The following FNBP4 variants were observed in gnomAD, a reference collection of about 807,000 sequenced individuals.
The protein encoded by FNBP4 is formin binding protein 4.
FNBP4 carries 34 observed loss-of-function variants against 119.3 expected under a neutral mutation model. The ratio of observed to expected loss-of-function variants is 0.28; its 90% confidence interval spans 0.22 to 0.38. FNBP4 has a LOEUF of 0.38. Among genes scored for constraint, FNBP4 ranks in the 10% least tolerant of loss-of-function variants. The pLI, the probability that FNBP4 is intolerant of heterozygous loss-of-function variation, is 1.00. For missense variants in FNBP4, 1,112 were observed against 1,228.9 expected (o/e 0.90, Z 1.42); for synonymous variants, 462 against 430.6 (o/e 1.07, Z -0.90).
At chr11:47,746,432 G>T in intron 6 of FNBP4, 38 bp from the exon 7 acceptor site, 2 of 1,488,012 alleles carry the variant, frequency 1.3e-6, no homozygotes, top group South Asian at 1.3e-5. Context: ...ATTTAATTCT[G>T]AAACAAATCT....
At chr11:47,747,318 C>A (rs2097592501) in intron 6 of FNBP4, among the ~76,000 whole-genome samples, 1 of 152,206 alleles carries the variant, frequency 6.6e-6, no homozygotes, top group Admixed American at 6.5e-5. Context: ...AATTTCCCTG[C>A]CTCAGCCTCC....
chr11:47,743,656 C>G (rs894537490), intron 8 of FNBP4, among the ~76,000 whole-genome samples: 2 of 152,112 alleles, frequency 1.3e-5, no homozygotes, highest in South Asian at 4.1e-4. Context: ...CCTCATGACA[C>G]AATCAAACTC....
intron 4 of FNBP4, 69 bp downstream of exon 4, chr11:47,752,847 A>G: frequency 2.2e-6 from 3 of 1,374,966 alleles, no homozygotes; most frequent in South Asian, 2.7e-5. Context: ...ACAAAAAACC[A>G]GAAAAGTGAA....
At chr11:47,728,962 C>T (rs190720470) in intron 12 of FNBP4, among the ~76,000 whole-genome samples, 58 of 149,744 alleles carry the variant, frequency 3.9e-4, no homozygotes, top group African/African-American at 1.3e-3. Context: ...AAGTGATTCT[C>T]GTGCCTCAGC....
chr11:47,720,757 C>G (rs1456335236), intron 15 of FNBP4, among the ~76,000 whole-genome samples: 1 of 143,000 alleles, frequency 7.0e-6, no homozygotes, highest in South Asian at 2.2e-4. Flanking sequence ...GTGTTCCTCC[C>G]AAGTGATTTA....
Position 47,736,231 on chromosome 11 carries a change from A to T in FNBP4, c.1581+385T>A, listed in dbSNP as rs1430627027. The stretch of plus-strand genomic sequence containing the variant: ...ACTCCAGCCTGGATGGCAGAGCAAC[A>T]CTCTCTCTTGGGAAAAAAAAAGAAA... On this transcript the variant is annotated intron_variant, in intron 9 of 16. Coordinates refer to ENST00000263773, the MANE Select transcript of FNBP4 (RefSeq NM_015308.5). Among the ~76,000 whole-genome samples the T allele has an allele frequency of 5.8e-5, 8 of 137,420 alleles. No homozygotes were observed. The South Asian group carries it at 1.2e-3, about 21-fold the overall frequency. The allele number at this position is 137,420 out of a possible 152,430, so 90.2% of individuals were successfully genotyped here.
At chr11:47,760,258 CATTT>C (rs749155934) in intron 2 of FNBP4, among the ~76,000 whole-genome samples, 5 of 133,842 alleles carry the variant, frequency 3.7e-5, no homozygotes, top group African/African-American at 1.3e-4. Context: ...ATTGATCAAA[CATTT>C]TTTTTTTTTT....
intron 2 of FNBP4, among the ~76,000 whole-genome samples, chr11:47,755,525 C>T: frequency 6.6e-6 from 1 of 151,524 alleles, no homozygotes; most frequent in East Asian, 1.9e-4. Context: ...CTTATGTCTA[C>T]AGACCCAACT....
chr11:47,765,424 G>A (rs1195395643), intron 1 of FNBP4, 62 bp from the exon 2 acceptor site: 1 of 938,196 alleles, frequency 1.1e-6, no homozygotes, highest in South Asian at 1.6e-5. Flanking sequence ...GAAAACTGCA[G>A]TCAGATTCCA....
chr11:47,728,848 CTTTTTTTTT>C (rs35490791), intron 12 of FNBP4, among the ~76,000 whole-genome samples: 1 of 113,586 alleles, frequency 8.8e-6, no homozygotes, highest in African/African-American at 3.3e-5. Flanking sequence ...CTGTAGGCGT[CTTTTTTTTT>C]TTTTTTTTTT....
chr11:47,751,417 T>C, intron 4 of FNBP4, 127 bp from the exon 5 acceptor site: 2 of 1,061,294 alleles, frequency 1.9e-6, no homozygotes. Context: ...CACAGGTCTT[T>C]GTTGTGGAGG....
At chr11:47,733,939 G>T (rs952708086) in intron 10 of FNBP4, 86 bp downstream of exon 10, 10 of 591,396 alleles carry the variant, frequency 1.7e-5, no homozygotes, top group Non-Finnish European at 2.7e-5. Context: ...GGCTTAAAAT[G>T]TAAGCAAGAC....
Position 47,751,055 on chromosome 11 carries a change from A to G in FNBP4, c.786-19T>C. The G allele has an allele frequency of 6.2e-7, 1 of 1,612,642 alleles. No individual in the cohort carries two copies. The highest frequency in any genetic ancestry group is 8.5e-7 in the Non-Finnish European group (1 of 1,179,532). The stretch of plus-strand genomic sequence containing the variant: ...CACAGAACTAAAAAAATATATACTT[A>G]GCAAGAGAAATATAAGACAAATACT... On this transcript the variant is annotated intron_variant, in intron 5 of 16. Transcript: ENST00000263773.
intron 12 of FNBP4, chr11:47,729,487 C>T (rs975837545): frequency 2.0e-6 from 2 of 985,218 alleles, no homozygotes; most frequent in African/African-American, 3.5e-5. Flanking sequence ...CTTGGCTTCT[C>T]ACAGTGTAAT....
intron 10 of FNBP4, among the ~76,000 whole-genome samples, chr11:47,733,337 CTT>C (rs950005832): frequency 1.4e-5 from 2 of 144,564 alleles, no homozygotes. Flanking sequence ...GGATTCAGTT[CTT>C]TTTTTTTTTT....
chr11:47,738,245 TCA>T (rs1263544466), intron 8 of FNBP4, among the ~76,000 whole-genome samples: 4 of 152,146 alleles, frequency 2.6e-5, no homozygotes, highest in African/African-American at 4.8e-5. Flanking sequence ...TCAAACTAAT[TCA>T]CACAGTCTGA....
chr11:47,767,259 G>A lies in FNBP4; in HGVS notation c.30C>T (p.Gly10=). 6.4e-7 allele frequency: 1 copy of A among 1,554,420 alleles called. No individual in the cohort carries two copies. The highest frequency in any genetic ancestry group is 1.9e-5 in the Admixed American group (1 of 51,978). The change falls in exon 1 of 17, where the codon GGC becomes GGT. Residue 10 remains glycine (G), a synonymous_variant. Transcript: ENST00000263773. ...GAGAGAGTTGCAGGATGGGCCTACG[G>A]CCGGGTACCGCCCGGGACTTCTTCC... MGKKSRAVP[G]RRPILQLSPP...
intron 3 of FNBP4, 139 bp downstream of exon 3, chr11:47,754,389 G>T: frequency 1.2e-6 from 1 of 807,180 alleles, no homozygotes; most frequent in East Asian, 2.6e-5. Context: ...GATAGAGATC[G>T]GGAGAAATAC....
rs1017521857 is a variant in FNBP4 at position 47,716,588 on chromosome 11, AGAG to A, written c.*831_*833del. 2.6e-5 allele frequency: 4 copies of A among 152,804 alleles called. No homozygotes were observed. Among genetic ancestry groups the A allele is most frequent in the Non-Finnish European group, 5.9e-5 (4 of 68,046 alleles). 9.5% of individuals were successfully genotyped at this position (152,804 alleles called of 1,614,324 possible). A position where few individuals can be genotyped will look rare whatever the true frequency, so the allele number is the denominator to read the frequency against. On this transcript the variant is annotated 3_prime_UTR_variant, in exon 17 of 17. Transcript: ENST00000263773. Reference sequence around the variant, plus strand: ...AAGGTCAGAAACTGGAGAAATACAAAGAGCTTTAAAACACAATTTGCCGTTTCC... The same window carrying A: ...AAGGTCAGAAACTGGAGAAATACAAACTTTAAAACACAATTTGCCGTTTCC...
Sources: allele counts gnomAD v4.1 joint callset (sites outside exome capture counted in the v4.1 genomes callset), GRCh38; gene constraint gnomAD v4.1.1; transcripts MANE v1.5; gene names NCBI Gene and HGNC (gene_info 2026-07-23, HGNC 2026-07-21).